Variants in RAB29 observed in about 807,000 individuals in gnomAD.
The protein encoded by RAB29 is ras-related protein Rab-29.
In RAB29, 13 loss-of-function variants were observed where a neutral mutation model predicts 25.5. That is an observed-to-expected ratio of 0.51 (90% confidence interval 0.33 to 0.81). The LOEUF (loss-of-function observed/expected upper bound fraction) is 0.81. Among genes scored for constraint, RAB29 ranks in the 30% least tolerant of loss-of-function variants. RAB29 has a pLI of 0.02. For missense variants in RAB29, 201 were observed against 254.9 expected (o/e 0.79, Z 1.44); for synonymous variants, 88 against 95.0 (o/e 0.93, Z 0.43).
chr1:205,771,003 A>C, intron 4 of RAB29, 149 bp from the exon 5 acceptor site: 2 of 1,169,688 alleles, frequency 1.7e-6, no homozygotes, highest in East Asian at 5.4e-5. Flanking sequence ...CTTCCCAAAG[A>C]AAGTCTCACC....
chr1:205,772,827 A>G (rs1190617391), intron 2 of RAB29, among the ~76,000 whole-genome samples: 1 of 151,934 alleles, frequency 6.6e-6, no homozygotes, highest in Non-Finnish European at 1.5e-5. Context: ...TTTGTCTCCA[A>G]GACTGGGGGT....
At chr1:205,771,298 CAAA>C (rs35188989) in intron 4 of RAB29, 171 bp downstream of exon 4, 160 of 633,764 alleles carry the variant, frequency 2.5e-4, no homozygotes, top group Middle Eastern at 1.4e-3. Flanking sequence ...GACTCCGTCT[CAAA>C]AAAAAAAAAA....
chr1:205,772,908 G>A (rs1655098914), intron 2 of RAB29, among the ~76,000 whole-genome samples: 1 of 152,070 alleles, frequency 6.6e-6, no homozygotes, highest in South Asian at 2.1e-4. Context: ...GGTTTTCTCA[G>A]GGAAGGGGTG....
At position 205,770,822 on chromosome 1, in the gene RAB29, G is replaced by A. The variant is rs1281520078; in HGVS notation, c.411C>T (p.Asp137=). ...TCTCTTTACTGAACCGGTCAATCTGGTCCCGGCTCACTGCCCAAGGGGACA... is the reference window on the plus strand; with the variant it reads ...TCTCTTTACTGAACCGGTCAATCTGATCCCGGCTCACTGCCCAAGGGGACA... ...CDLSPWAVSR[D]QIDRFSKENG... is the part of the protein sequence containing the mutation. Residue 137 remains aspartate (D), a synonymous_variant, in exon 5 of 6, where the codon GAC becomes GAT. Coordinates refer to ENST00000367139, the MANE Select transcript of RAB29 (RefSeq NM_003929.3). The A allele has an allele frequency of 1.2e-6, 2 of 1,614,078 alleles. No homozygotes were observed. Among genetic ancestry groups the A allele is most frequent in the South Asian group, 2.2e-5 (2 of 91,084 alleles).
At chr1:205,772,619 A>G (rs1655087239) in intron 2 of RAB29, 52 bp from the exon 3 acceptor site, 2 of 1,514,716 alleles carry the variant, frequency 1.3e-6, no homozygotes, top group African/African-American at 1.4e-5. Flanking sequence ...TAAAAAATTA[A>G]TAGGGATAAA....
intron 4 of RAB29, 106 bp downstream of exon 4, chr1:205,771,366 T>C: frequency 7.5e-7 from 1 of 1,331,054 alleles, no homozygotes; most frequent in South Asian, 1.2e-5. Context: ...GAGATGATTT[T>C]GCCAACTTAA....
chr1:205,771,870 T>C (rs376171833), intron 3 of RAB29, among the ~76,000 whole-genome samples: 1 of 152,068 alleles, frequency 6.6e-6, no homozygotes, highest in Non-Finnish European at 1.5e-5. Context: ...CTCTGCTGCA[T>C]ACTATTTGAC....
chr1:205,774,837 C>T lies in RAB29; in HGVS notation c.120G>A (p.Val40=), dbSNP rs1279517632. The part of the protein sequence containing the change: ...DSFSKHYKST[V]GVDFALKVLQ... The stretch of plus-strand genomic sequence containing the variant: ...CCCACCCCCGAGACGTCTCACCTCC[C>T]ACCGTGGACTTGTAGTGTTTGCTGA... Residue 40 remains valine, a synonymous_variant, in exon 2 of 6, where the codon GTG becomes GTA. Transcript: ENST00000367139. 6.2e-7 allele frequency: 1 copy of T among 1,611,120 alleles called. No homozygotes were observed. Among genetic ancestry groups the T allele is most frequent in the African/African-American group, 1.3e-5 (1 of 74,850 alleles).
chr1:205,774,820 C>CCGG lies in RAB29; in HGVS notation c.124+12_124+13insCCG. ...TCCTCCCCCTCCCCCTCCCCACCCC[C>CCGG]GAGACGTCTCACCTCCCACCGTGGA... is the stretch of plus-strand genomic sequence containing the variant. On this transcript the variant is annotated intron_variant, in intron 2 of 5. Coordinates refer to ENST00000367139, the MANE Select transcript of RAB29 (RefSeq NM_003929.3). 1 of 1,568,776 alleles carries CCGG rather than the reference C, an allele frequency of 6.4e-7. No homozygotes were observed. Among genetic ancestry groups the CCGG allele is most frequent in the Non-Finnish European group, 8.7e-7 (1 of 1,152,676 alleles).
At chr1:205,770,879 C>T in intron 4 of RAB29, 25 bp from the exon 5 acceptor site, 6 of 1,613,626 alleles carry the variant, frequency 3.7e-6, no homozygotes, top group Non-Finnish European at 5.1e-6. Context: ...AAATAAAAGG[C>T]AGTATCATAA....
intron 2 of RAB29, among the ~76,000 whole-genome samples, chr1:205,773,274 A>T (rs1655116683): frequency 6.6e-6 from 1 of 152,218 alleles, no homozygotes; most frequent in Non-Finnish European, 1.5e-5. Flanking sequence ...ATTATCTTTC[A>T]CATCTGTGAC....
Position 205,769,725 on chromosome 1 carries a change from G to A in RAB29, c.*617C>T, listed in dbSNP as rs975689067. On this transcript the variant is annotated 3_prime_UTR_variant, in exon 6 of 6. Coordinates refer to ENST00000367139, the MANE Select transcript of RAB29 (RefSeq NM_003929.3). ...ATTACAGGCATGAGCCACCATGCCCGGCCAAAAAACTTGACTATTCTTGAT... is the reference window on the plus strand; with the variant it reads ...ATTACAGGCATGAGCCACCATGCCCAGCCAAAAAACTTGACTATTCTTGAT... 6.5e-6 allele frequency: 1 copy of A among 153,996 alleles called. No individual in the cohort carries two copies. The highest frequency in any genetic ancestry group is 1.4e-5 in the Non-Finnish European group (1 of 69,412). 9.5% of individuals were successfully genotyped at this position (153,996 alleles called of 1,614,324 possible). A position where few individuals can be genotyped will look rare whatever the true frequency, so the allele number is the denominator to read the frequency against.
At chr1:205,773,803 G>A (rs888278556) in intron 2 of RAB29, among the ~76,000 whole-genome samples, 1 of 152,142 alleles carries the variant, frequency 6.6e-6, no homozygotes, top group Non-Finnish European at 1.5e-5. Flanking sequence ...ACGGTACTGG[G>A]CCCTACTGGG....
Position 205,771,541 on chromosome 1 carries a change from T to C in RAB29, c.309A>G (p.Lys103=). ...ATTFSNSQRW[K]QDLDSKLTLP... ...GTGTGAGCTTGCTGTCTAGGTCCTG[T>C]TTCCACCTCTGGCTGTTGCTGAAGG... Residue 103 remains lysine (K), a synonymous_variant, in exon 4 of 6, where the codon AAA becomes AAG. Transcript: ENST00000367139. The C allele has an allele frequency of 6.2e-7, 1 of 1,614,184 alleles. No individual in the cohort carries two copies. The highest frequency in any genetic ancestry group is 8.5e-7 in the Non-Finnish European group (1 of 1,180,022).
At chr1:205,774,039 C>G (rs1419117548) in intron 2 of RAB29, among the ~76,000 whole-genome samples, 1 of 152,124 alleles carries the variant, frequency 6.6e-6, no homozygotes, top group Non-Finnish European at 1.5e-5. Context: ...ATTTCTGCCT[C>G]TGAAAAAATA....
intron 2 of RAB29, among the ~76,000 whole-genome samples, chr1:205,773,036 A>C (rs1468559519): frequency 1.3e-5 from 2 of 152,188 alleles, no homozygotes; most frequent in Non-Finnish European, 2.9e-5. Flanking sequence ...GGGGAACTCT[A>C]CATCCACCAT....
Position 205,769,146 on chromosome 1 carries a change from AAT to A in RAB29, c.*1194_*1195del, listed in dbSNP as rs750235597. 3 of 152,170 alleles carry A rather than the reference AAT, an allele frequency of 2.0e-5. No individual in the cohort carries two copies. Among genetic ancestry groups the A allele is most frequent in the Non-Finnish European group, 4.4e-5 (3 of 68,016 alleles). 9.4% of individuals were successfully genotyped at this position (152,170 alleles called of 1,614,324 possible). A position where few individuals can be genotyped will look rare whatever the true frequency, so the allele number is the denominator to read the frequency against. Reference sequence around the variant, plus strand: ...CTCCCCCAGGCTAGGACCTGCACATAATATGTTTCCTATGACTAAGTGCCTAC... The same window carrying A: ...CTCCCCCAGGCTAGGACCTGCACATAATGTTTCCTATGACTAAGTGCCTAC... On this transcript the variant is annotated 3_prime_UTR_variant, in exon 6 of 6. Coordinates refer to ENST00000367139, the MANE Select transcript of RAB29 (RefSeq NM_003929.3).
intron 2 of RAB29, among the ~76,000 whole-genome samples, chr1:205,773,551 C>G (rs1655133496): frequency 6.6e-6 from 1 of 152,214 alleles, no homozygotes; most frequent in South Asian, 2.1e-4. Flanking sequence ...GGGTCTCACT[C>G]TGTTGCCCAG....
At chr1:205,773,960 A>T (rs1357647828) in intron 2 of RAB29, among the ~76,000 whole-genome samples, 2 of 152,212 alleles carry the variant, frequency 1.3e-5, no homozygotes, top group Non-Finnish European at 2.9e-5. Context: ...AGAGAGAAAT[A>T]AAATTTTAAG....
Sources: gnomAD v4.1 joint callset for allele counts (sites outside exome capture counted in the v4.1 genomes callset) on GRCh38, gnomAD v4.1.1 for gene constraint, MANE v1.5 for transcripts, NCBI Gene and HGNC (gene_info 2026-07-23, HGNC 2026-07-21) for gene names.